The following PSTPIP2 variants were observed in gnomAD, a reference collection of about 807,000 sequenced individuals.
PSTPIP2 encodes proline-serine-threonine phosphatase-interacting protein 2.
In PSTPIP2, 33 loss-of-function variants were observed where a neutral mutation model predicts 63.3. The observed-to-expected ratio is 0.52, with a 90% confidence interval of 0.40 to 0.70. The LOEUF (loss-of-function observed/expected upper bound fraction) is 0.70, where lower values mean the gene tolerates loss of function less well. PSTPIP2 is among the 30% of genes least tolerant of loss of function. PSTPIP2 has a pLI of 0.00. For missense variants in PSTPIP2, 312 were observed against 400.7 expected, an observed-to-expected ratio of 0.78 and a Z score of 1.89; for synonymous variants, 125 against 132.7, an observed-to-expected ratio of 0.94 and a Z score of 0.40.
chr18:46,029,311 C>G, intron 2 of PSTPIP2: 2 of 1,527,556 alleles, frequency 1.3e-6, no homozygotes, highest in Non-Finnish European at 1.8e-6. Context: ...CATTTGCTAT[C>G]GATGAAGACC....
At chr18:46,027,074 A>C (rs923605076) in intron 2 of PSTPIP2, among the ~76,000 whole-genome samples, 23 of 151,808 alleles carry the variant, frequency 1.5e-4, no homozygotes, top group Non-Finnish European at 2.9e-4. Context: ...GCGGTGGATC[A>C]CCTGAGGTCA....
At chr18:45,996,840 G>C (rs534946849) in intron 9 of PSTPIP2, among the ~76,000 whole-genome samples, 1 of 152,208 alleles carries the variant, frequency 6.6e-6, no homozygotes, top group South Asian at 2.1e-4. Flanking sequence ...TACTTCACTT[G>C]AGCTCATGGG....
chr18:46,016,603 A>G (rs1301519461), intron 3 of PSTPIP2, among the ~76,000 whole-genome samples: 1 of 152,226 alleles, frequency 6.6e-6, no homozygotes, highest in Admixed American at 6.5e-5. Flanking sequence ...CATTAAACAA[A>G]TCGTATCCAT....
chr18:46,050,246 T>C (rs908100832), intron 1 of PSTPIP2, among the ~76,000 whole-genome samples: 1 of 152,154 alleles, frequency 6.6e-6, no homozygotes, highest in Admixed American at 6.6e-5. Context: ...AAAAGATTTG[T>C]ACACAAGGAT....
At chr18:46,004,593 G>T (rs967881301) in intron 6 of PSTPIP2, among the ~76,000 whole-genome samples, 5 of 152,072 alleles carry the variant, frequency 3.3e-5, no homozygotes, top group African/African-American at 1.2e-4. Context: ...AAGATAAAGG[G>T]TATTGTACAC....
chr18:46,027,491 A>G (rs1196451696), intron 2 of PSTPIP2, among the ~76,000 whole-genome samples: 3 of 151,848 alleles, frequency 2.0e-5, no homozygotes, highest in Non-Finnish European at 4.4e-5. Context: ...AGGGTTTGAG[A>G]CCAGCCTAGG....
chr18:46,009,438 A>C (rs1050333618), intron 5 of PSTPIP2, among the ~76,000 whole-genome samples: 1 of 151,536 alleles, frequency 6.6e-6, no homozygotes, highest in Non-Finnish European at 1.5e-5. Flanking sequence ...ATTTTGACAC[A>C]AGTAATTACA....
intron 1 of PSTPIP2, among the ~76,000 whole-genome samples, chr18:46,065,553 G>A (rs1315668907): frequency 2.0e-5 from 3 of 152,106 alleles, no homozygotes; most frequent in Non-Finnish European, 2.9e-5. Context: ...TGCAACCTCC[G>A]CCTCCCGGGT....
intron 1 of PSTPIP2, among the ~76,000 whole-genome samples, chr18:46,051,340 T>C (rs1283836395): frequency 6.6e-6 from 1 of 152,052 alleles, no homozygotes; most frequent in Non-Finnish European, 1.5e-5. Context: ...GCTGGGTGCA[T>C]GGTGGGCACC....
At chr18:46,001,103 A>C (rs2051660852) in intron 6 of PSTPIP2, among the ~76,000 whole-genome samples, 1 of 152,220 alleles carries the variant, frequency 6.6e-6, no homozygotes, top group South Asian at 2.1e-4. Flanking sequence ...CCTTTGGATA[A>C]ATACCTGGTA....
rs2051454232 is a variant in PSTPIP2 at position 45,985,100 on chromosome 18, C to T, written c.*359G>A. The stretch of plus-strand genomic sequence containing the variant: ...CTGCCCAAAGCCAAAGGAGCCACTA[C>T]TGCAGTTGGTGGCTCAGAATCCTCT... On this transcript the variant is annotated 3_prime_UTR_variant, in exon 15 of 15. Coordinates refer to ENST00000409746, the MANE Select transcript of PSTPIP2 (RefSeq NM_024430.4). The T allele has an allele frequency of 3.4e-6, 1 of 291,172 alleles. No homozygotes were observed. Among genetic ancestry groups the T allele is most frequent in the Non-Finnish European group, 6.3e-6 (1 of 159,224 alleles). The allele number at this position is 291,172 out of a possible 1,614,324, so 18.0% of individuals were successfully genotyped here. A position where few individuals can be genotyped will look rare whatever the true frequency, so the allele number is the denominator to read the frequency against.
intron 5 of PSTPIP2, 147 bp downstream of exon 5, chr18:46,011,034 G>T: frequency 4.5e-6 from 3 of 671,276 alleles, no homozygotes; most frequent in Non-Finnish European, 7.9e-6. Context: ...CATCTGGACT[G>T]AGTCCCCATG....
chr18:45,990,465 C>CT (rs11396720), intron 13 of PSTPIP2, among the ~76,000 whole-genome samples: 36,570 of 151,902 alleles, frequency 0.24, 6,293 homozygotes, highest in African/African-American at 0.47. Context: ...CAGTTTGACT[C>CT]TGTCACCAGG....
At chr18:45,990,515 CA>C (rs1381925506) in intron 13 of PSTPIP2, among the ~76,000 whole-genome samples, 1 of 152,032 alleles carries the variant, frequency 6.6e-6, no homozygotes, top group African/African-American at 2.4e-5. Flanking sequence ...CTGCATCCTC[CA>C]CCTCCCAGGT....
At chr18:46,033,390 T>C (rs1317749291) in intron 2 of PSTPIP2, among the ~76,000 whole-genome samples, 2 of 152,132 alleles carry the variant, frequency 1.3e-5, no homozygotes, top group Non-Finnish European at 1.5e-5. Context: ...CCAACATGAC[T>C]AGTGTCCTTA....
intron 6 of PSTPIP2, among the ~76,000 whole-genome samples, chr18:46,004,634 A>G (rs1390101298): frequency 6.6e-6 from 1 of 152,188 alleles, no homozygotes; most frequent in Non-Finnish European, 1.5e-5. Context: ...TGCCTAAAAT[A>G]TTTGAACTGA....
intron 2 of PSTPIP2, chr18:46,028,747 C>A (rs1485413425): frequency 2.1e-6 from 2 of 973,552 alleles, no homozygotes; most frequent in Non-Finnish European, 3.3e-6. Context: ...ACTTAAGAAG[C>A]GACTTTAAGA....
chr18:46,023,046 T>C (rs1404888136), intron 3 of PSTPIP2, among the ~76,000 whole-genome samples: 1 of 152,030 alleles, frequency 6.6e-6, no homozygotes, highest in African/African-American at 2.4e-5. Context: ...TTCTCACTTA[T>C]AAGTGGGGGC....
chr18:46,023,484 G>A (rs764746007), intron 3 of PSTPIP2, among the ~76,000 whole-genome samples: 5 of 152,056 alleles, frequency 3.3e-5, no homozygotes, highest in South Asian at 2.1e-4. Context: ...GCTGGAACCC[G>A]GGAGGCAGAA....
Sources: allele counts gnomAD v4.1 joint callset (sites outside exome capture counted in the v4.1 genomes callset), GRCh38; gene constraint gnomAD v4.1.1; transcripts MANE v1.5; gene names NCBI Gene and HGNC (gene_info 2026-07-23, HGNC 2026-07-21).